Variants in ZWINT observed in about 807,000 individuals in gnomAD.
The protein encoded by ZWINT is outer kinetochore KNL1 complex subunit ZWINT.
Under a neutral mutation model 41.5 loss-of-function variants are expected in ZWINT, and 41 were observed. The observed-to-expected ratio is 0.99, with a 90% CI of 0.77 to 1.28. The LOEUF is 1.28. Ranked by LOEUF, ZWINT falls within the 50% of genes most tolerant of loss-of-function variation. ZWINT has a pLI of 0.00. For synonymous variants in ZWINT, 132 were observed against 126.8 expected (o/e 1.04, Z -0.28); for missense variants, 369 against 329.7 (o/e 1.12, Z -0.92).
At position 56,360,286 on chromosome 10, in the gene ZWINT, T is replaced by C; in HGVS notation, c.132+7A>G. 4 of 1,614,134 alleles carry C rather than the reference T, an allele frequency of 2.5e-6. No homozygotes were observed. Among genetic ancestry groups the C allele is most frequent in the Non-Finnish European group, 3.4e-6 (4 of 1,179,994 alleles). ...TTCTGAAAGGCTCGCTCTCATCTTG[T>C]ACATACCACCACAAACTCAACCAGG... On this transcript the variant is annotated splice_region_variant and intron_variant, in intron 2 of 8. Transcript: ENST00000373944.
At chr10:56,361,166 C>G in intron 1 of ZWINT, 30 bp downstream of exon 1, 1 of 1,612,570 alleles carries the variant, frequency 6.2e-7, no homozygotes, top group South Asian at 1.1e-5. Context: ...CAGGCCCGGC[C>G]CCAGCTGCCA....
Position 56,361,189 on chromosome 10 carries a change from CACTT to C in ZWINT, c.41+3_41+6del, listed in dbSNP as rs1838326864. The C allele has an allele frequency of 6.2e-7, 1 of 1,613,224 alleles. No homozygotes were observed. The highest frequency in any genetic ancestry group is 8.5e-7 in the Non-Finnish European group (1 of 1,179,964). Reference sequence around the variant, plus strand: ...GCCCCAGCTGCCACTTAGCCGCAAACACTTACTCTAGGGCTGCAGCTTCCGCCTC... The same window carrying C: ...GCCCCAGCTGCCACTTAGCCGCAAACACTCTAGGGCTGCAGCTTCCGCCTC... On this transcript the variant is annotated splice_donor_5th_base_variant and intron_variant, in intron 1 of 8. Transcript: ENST00000373944.
In ZWINT at chr10:56,358,703, A is replaced by C. The variant is rs781159802; in HGVS notation, c.645T>G (p.Leu215=). 116 of 1,613,998 alleles carry C rather than the reference A, an allele frequency of 7.2e-5. No individual in the cohort carries two copies. Among genetic ancestry groups the C allele is most frequent in the Non-Finnish European group, 9.3e-5 (110 of 1,180,032 alleles). Residue 215 remains leucine, a synonymous_variant, in exon 7 of 9, where the codon CTT becomes CTG. Coordinates refer to ENST00000373944, the MANE Select transcript of ZWINT (RefSeq NM_007057.4). ...ACAGCTTACCCTGCAGGGTATACAG[A>C]AGCTGGAGGAAGGTCTGATACCTAC... ...KLQRYQTFLQ[L]LYTLQGKLLF...
chr10:56,361,067 G>A (rs1589338962), intron 1 of ZWINT, 129 bp downstream of exon 1: 3 of 1,004,792 alleles, frequency 3.0e-6, no homozygotes, highest in South Asian at 1.6e-5. Flanking sequence ...GGACTGCGGT[G>A]AGGATCACTT....
rs1259970461 is a variant in ZWINT, at chr10:56,360,091, A to G, written c.183T>C (p.Asp61=). ...CCTGAGCCAGGATGTTCTGCAGGAA[A>G]TCCGCTACCTGAAGCTGGCTGCAGA... is the stretch of plus-strand genomic sequence containing the variant. ...KLLCSQLQVA[D]FLQNILAQED... The change falls in exon 3 of 9, where the codon GAT becomes GAC. Residue 61 remains aspartate, a synonymous_variant. Coordinates refer to ENST00000373944, the MANE Select transcript of ZWINT (RefSeq NM_007057.4). 1 of 1,614,024 alleles carries G rather than the reference A, an allele frequency of 6.2e-7. No individual in the cohort carries two copies. Among genetic ancestry groups the G allele is most frequent in the African/African-American group, 1.3e-5 (1 of 74,930 alleles).
intron 5 of ZWINT, among the ~76,000 whole-genome samples, chr10:56,359,195 G>C (rs561862977): frequency 2.0e-5 from 3 of 152,172 alleles, no homozygotes; most frequent in Non-Finnish European, 4.4e-5. Context: ...TATGTGCCAG[G>C]TACTATTTTA....
chr10:56,358,655 C>G lies in ZWINT; in HGVS notation c.693G>C (p.Glu231Asp), dbSNP rs746108097. 6.2e-7 allele frequency: 1 copy of G among 1,613,702 alleles called. No individual in the cohort carries two copies. The highest frequency in any genetic ancestry group is 2.2e-5 in the East Asian group (1 of 44,868). Residue 231 changes from glutamate to aspartate, a missense_variant, in exon 7 of 9, where the codon GAG becomes GAC. Physicochemically the swap from Glu to Asp is conservative, Grantham distance 45. Transcript: ENST00000373944. ...GKLLFPEAEA[E>D]AENLPDDKPQ... ...GTTTATCATCTGGAAGATTCTCTGC[C>G]TCAGCCTCAGCCTCAGGGAACAACA...
intron 1 of ZWINT, 73 bp from the exon 2 acceptor site, chr10:56,360,456 A>T: frequency 3.2e-6 from 4 of 1,242,806 alleles, no homozygotes; most frequent in Non-Finnish European, 4.6e-6. Context: ...TGTGTACACA[A>T]ACAAATGTGG....
At chr10:56,359,335 G>C in intron 5 of ZWINT, 141 bp downstream of exon 5, 1 of 759,300 alleles carries the variant, frequency 1.3e-6, no homozygotes, top group South Asian at 2.6e-5. Flanking sequence ...GGTAAGTGGT[G>C]ACACTGAGAT....
Position 56,359,476 on chromosome 10 carries a change from C to T in ZWINT, c.480G>A (p.Gln160=), listed in dbSNP as rs1838264867. Residue 160 remains glutamine, a splice_region_variant and synonymous_variant, in exon 5 of 9, where the codon CAG becomes CAA. Transcript: ENST00000373944. ...RAVQNQWQLQ[Q]EKHLQHLAEV... ...TATTCTCCTAGGGGGACGAACCTACCTGTTGTAGCTGCCACTGGTTCTGGA... is the reference window on the plus strand; with the variant it reads ...TATTCTCCTAGGGGGACGAACCTACTTGTTGTAGCTGCCACTGGTTCTGGA... 7 of 1,530,840 alleles carry T rather than the reference C, an allele frequency of 4.6e-6. No individual in the cohort carries two copies. The highest frequency in any genetic ancestry group is 6.1e-6 in the Non-Finnish European group (7 of 1,142,798). The allele number at this position is 1,530,840 out of a possible 1,614,324, so 94.8% of individuals were successfully genotyped here.
intron 1 of ZWINT, 112 bp from the exon 2 acceptor site, chr10:56,360,495 G>C: frequency 2.2e-6 from 2 of 902,430 alleles, no homozygotes; most frequent in Non-Finnish European, 3.4e-6. Flanking sequence ...ATAGTATTGA[G>C]AGTCTTGCCT....
chr10:56,359,766 G>A lies in ZWINT; in HGVS notation c.344C>T (p.Thr115Ile). Residue 115 changes from threonine to isoleucine, a missense_variant, in exon 4 of 9, where the codon ACC becomes ATC. Physicochemically the swap from Thr to Ile is moderately conservative, Grantham distance 89. Transcript: ENST00000373944. The part of the protein sequence containing the change: ...EHVEAIKIGL[T>I]KALTQMEEAQ... ...TTCCTCCATCTGAGTCAGGGCCTTG[G>A]TGAGGCCAATTTTGATGGCCTCTAC... The A allele has an allele frequency of 6.2e-7, 1 of 1,614,092 alleles. No individual in the cohort carries two copies. Among genetic ancestry groups the A allele is most frequent in the Non-Finnish European group, 8.5e-7 (1 of 1,180,020 alleles).
At position 56,358,592 on chromosome 10, in the gene ZWINT, T is replaced by G. The variant is rs761668682; in HGVS notation, c.756A>C (p.Gly252=). ...QPTRPQEQST[G]DTMGRDPGVS... ...CACCAGGGTCTCTCCCCATGGTGTC[T>G]CCTGTACTCTGCTCCTGGGGTCGAG... is the stretch of plus-strand genomic sequence containing the variant. The change falls in exon 7 of 9, where the codon GGA becomes GGC. Residue 252 remains glycine (G), a synonymous_variant. Transcript: ENST00000373944. 5.6e-6 allele frequency: 9 copies of G among 1,614,004 alleles called. No individual in the cohort carries two copies.
At chr10:56,361,148 G>T (rs747952737) in intron 1 of ZWINT, 48 bp downstream of exon 1, 2 of 1,608,666 alleles carry the variant, frequency 1.2e-6, no homozygotes, top group East Asian at 4.5e-5. Flanking sequence ...GGGCCCACAA[G>T]GTCCTCCCAG....
At position 56,358,614 on chromosome 10, in the gene ZWINT, C is replaced by A; in HGVS notation, c.734G>T (p.Arg245Leu). The A allele has an allele frequency of 6.2e-7, 1 of 1,614,052 alleles. No homozygotes were observed. The highest frequency in any genetic ancestry group is 8.5e-7 in the Non-Finnish European group (1 of 1,180,026). The change falls in exon 7 of 9, where the codon CGA becomes CTA. Residue 245 changes from arginine to leucine, a missense_variant. Transcript: ENST00000373944. ...LPDDKPQQPT[R>L]PQEQSTGDTM... ...GTCTCCTGTACTCTGCTCCTGGGGT[C>A]GAGTCGGCTGCTGGGGTTTATCATC...
rs200951666 is a variant in ZWINT, at chr10:56,358,652, TGCCTCA to T, written c.690_695del (p.Ala232_Glu233del). 1.2e-4 allele frequency: 201 copies of T among 1,613,970 alleles called. 1 individual carries two copies. The Admixed American group carries it at 2.6e-3, about 20-fold the overall frequency. On this transcript the variant is annotated inframe_deletion, in exon 7 of 9. Transcript: ENST00000373944. The stretch of plus-strand genomic sequence containing the variant: ...GGGGTTTATCATCTGGAAGATTCTC[TGCCTCA>T]GCCTCAGCCTCAGGGAACAACAGCT...
At chr10:56,359,889 G>GGGTGGCCT in intron 3 of ZWINT, 36 bp from the exon 4 acceptor site, 1 of 1,609,226 alleles carries the variant, frequency 6.2e-7, no homozygotes, top group African/African-American at 1.3e-5. Flanking sequence ...ACATGAGTGA[G>GGGTGGCCT]GGTGGCCTGC....
In ZWINT at chr10:56,360,350, A is replaced by G. The variant is rs748110307; in HGVS notation, c.75T>C (p.Pro25=). 46 of 1,614,068 alleles carry G rather than the reference A, an allele frequency of 2.8e-5. No individual in the cohort carries two copies. Among genetic ancestry groups the G allele is most frequent in the Non-Finnish European group, 3.5e-5 (41 of 1,180,034 alleles). ...GTTCTGCCTCCTCCTGCAGGCCTACAGGTTCCAAGATGCCTGCCACCTCAG... is the reference window on the plus strand; with the variant it reads ...GTTCTGCCTCCTCCTGCAGGCCTACGGGTTCCAAGATGCCTGCCACCTCAG... The part of the protein sequence containing the change: ...VLAEVAGILE[P]VGLQEEAELP... The change falls in exon 2 of 9, where the codon CCT becomes CCC. Residue 25 remains proline (P), a synonymous_variant. Transcript: ENST00000373944.
In ZWINT at chr10:56,358,454, A is replaced by G. The variant is rs73283603; in HGVS notation, c.798T>C (p.Val266=). The part of the protein sequence containing the change: ...GRDPGVSFKA[V]GLQPAGDVNL... ...TTACATCTCCAGCAGGTTGTAGACC[A>G]ACAGCCTTGGAGAAATACAGTATAG... The change falls in exon 8 of 9, where the codon GTT becomes GTC. Residue 266 remains valine (V), a synonymous_variant. Transcript: ENST00000373944. 3.2e-3 allele frequency: 5,207 copies of G among 1,614,106 alleles called. 166 individuals are homozygous for G. In the African/African-American group the frequency reaches 0.063, roughly 19 times the overall value.
Sources: allele counts gnomAD v4.1 joint callset (sites outside exome capture counted in the v4.1 genomes callset), GRCh38; gene constraint gnomAD v4.1.1; transcripts MANE v1.5; gene names NCBI Gene and HGNC (gene_info 2026-07-23, HGNC 2026-07-21).